Variants in AKAP11 observed in about 807,000 individuals in gnomAD.
The protein encoded by AKAP11 is A-kinase anchoring protein 11.
Under a neutral mutation model 146.1 loss-of-function variants are expected in AKAP11, and 36 were observed. The ratio of observed to expected loss-of-function variants is 0.25; its 90% CI spans 0.19 to 0.33. The LOEUF (loss-of-function observed/expected upper bound fraction) is 0.33, where lower values mean the gene tolerates loss of function less well. AKAP11 is among the 10% of genes least tolerant of loss of function. The pLI is 1.00. For missense variants in AKAP11, 2,201 were observed against 2,197.0 expected, an observed-to-expected ratio of 1.00 and a Z score of -0.04; for synonymous variants, 780 against 786.5, an observed-to-expected ratio of 0.99 and a Z score of 0.14.
At chr13:42,319,038 T>C in intron 12 of AKAP11, 50 bp from the exon 13 acceptor site, 1 of 1,552,444 alleles carries the variant, frequency 6.4e-7, no homozygotes. Flanking sequence ...AATAAAAGCT[T>C]TGTTATAAAA....
intron 1 of AKAP11, among the ~76,000 whole-genome samples, chr13:42,282,223 C>T (rs1420167515): frequency 6.6e-6 from 1 of 150,602 alleles, no homozygotes; most frequent in African/African-American, 2.4e-5. Flanking sequence ...CCTGCCTTGG[C>T]CTCCCAAAGT....
upstream of AKAP11, among the ~76,000 whole-genome samples, chr13:42,271,860 CCCGCGGGCTGCTCCGCGGGCTGCA>C (rs1410312623): frequency 6.6e-6 from 1 of 151,464 alleles, no homozygotes; most frequent in Non-Finnish European, 1.5e-5. Context: ...GCGGGGCTGC[CCCGCGGGCTGCTCCGCGGGCTGCA>C]CTGGAGCACG....
chr13:42,291,548 A>G (rs1959215625), intron 3 of AKAP11, among the ~76,000 whole-genome samples: 1 of 152,210 alleles, frequency 6.6e-6, no homozygotes, highest in South Asian at 2.1e-4. Flanking sequence ...TGCCCAGCCA[A>G]TAATTATAAT....
At chr13:42,271,889 A>T (rs1228827719), upstream of AKAP11, among the ~76,000 whole-genome samples, 1 of 150,714 alleles carries the variant, frequency 6.6e-6, no homozygotes, top group East Asian at 2.0e-4. Flanking sequence ...GCTGCACTGG[A>T]GCACGTGGGA....
intron 3 of AKAP11, among the ~76,000 whole-genome samples, chr13:42,291,335 C>T (rs536891315): frequency 2.1e-4 from 32 of 152,296 alleles, no homozygotes; most frequent in South Asian, 1.9e-3. Context: ...TAACTGCAAC[C>T]CCCACCTCCC....
In AKAP11 at chr13:42,299,970, C is replaced by T. The variant is rs761725738; in HGVS notation, c.1224C>T (p.Leu408=). The change falls in exon 8 of 13, where the codon CTC becomes CTT. Residue 408 remains leucine, a synonymous_variant. Transcript: ENST00000025301. ...PQKFKFDRPA[L]PANVRKPTPR... ...AATTCAAGTTTGATCGTCCAGCTCTCCCAGCTAATGTTAGAAAGCCAACTC... is the reference window on the plus strand; with the variant it reads ...AATTCAAGTTTGATCGTCCAGCTCTTCCAGCTAATGTTAGAAAGCCAACTC... 10 of 1,613,960 alleles carry T rather than the reference C, an allele frequency of 6.2e-6. No homozygotes were observed. In the East Asian group the frequency reaches 2.0e-4, roughly 32 times the overall value.
intron 4 of AKAP11, among the ~76,000 whole-genome samples, chr13:42,293,494 A>G (rs1472417746): frequency 6.6e-6 from 1 of 152,148 alleles, no homozygotes; most frequent in Non-Finnish European, 1.5e-5. Flanking sequence ...GTGTCAGCTT[A>G]ATTTCACTAT....
chr13:42,275,325 C>A (rs1340809453), intron 1 of AKAP11, among the ~76,000 whole-genome samples: 1 of 152,224 alleles, frequency 6.6e-6, no homozygotes, highest in Non-Finnish European at 1.5e-5. Flanking sequence ...GACTATGCAA[C>A]ATGGTTCTCA....
chr13:42,300,763 T>C lies in AKAP11; in HGVS notation c.2017T>C (p.Ser673Pro). ...CQFSYPQTPASPQCGSFDFED... is the reference protein window; with the variant it reads ...CQFSYPQTPAPPQCGSFDFED... Reference sequence around the variant, plus strand: ...GTTTTCATATCCTCAAACGCCTGCATCTCCACAGTGTGGGTCGTTTGACTT... The same window carrying C: ...GTTTTCATATCCTCAAACGCCTGCACCTCCACAGTGTGGGTCGTTTGACTT... The change falls in exon 8 of 13, where the codon TCT becomes CCT. Residue 673 changes from serine to proline, a missense_variant. Ser to Pro is a moderately conservative substitution (Grantham distance 74). Around this residue, in one of 3 missense-constraint regions of AKAP11, gnomAD observed 1,867 missense variants for 1,833.5 expected, o/e 1.02. Transcript: ENST00000025301. The C allele has an allele frequency of 6.2e-7, 1 of 1,614,096 alleles. No homozygotes were observed. Among genetic ancestry groups the C allele is most frequent in the Non-Finnish European group, 8.5e-7 (1 of 1,179,970 alleles).
At position 42,301,400 on chromosome 13, in the gene AKAP11, A is replaced by G. The variant is rs1959895234; in HGVS notation, c.2654A>G (p.Asn885Ser). ...GCAGCAGTGGTGCATACGATAGTAA[A>G]TGAAACTTTAGAGTCAATGACATCA... is the stretch of plus-strand genomic sequence containing the variant. ...FSAAVVHTIV[N>S]ETLESMTSLE... The change falls in exon 8 of 13, where the codon AAT (asparagine) becomes AGT (serine). Residue 885 changes from asparagine to serine, a missense_variant. Physicochemically the swap from Asn to Ser is conservative, Grantham distance 46. This residue lies in a region of AKAP11 where 1,867 missense variants were observed against 1,833.5 expected (regional missense o/e 1.02). Coordinates refer to ENST00000025301, the MANE Select transcript of AKAP11 (RefSeq NM_016248.4). 1 of 1,613,692 alleles carries G rather than the reference A, an allele frequency of 6.2e-7. No homozygotes were observed. The highest frequency in any genetic ancestry group is 8.5e-7 in the Non-Finnish European group (1 of 1,179,862).
At chr13:42,309,774 T>C (rs1045635414) in intron 9 of AKAP11, among the ~76,000 whole-genome samples, 1 of 152,204 alleles carries the variant, frequency 6.6e-6, no homozygotes, top group East Asian at 1.9e-4. Flanking sequence ...ATTTAGTTTC[T>C]TCTCTCATTT....
intron 4 of AKAP11, among the ~76,000 whole-genome samples, chr13:42,295,061 T>C (rs990799674): frequency 6.6e-6 from 1 of 152,170 alleles, no homozygotes; most frequent in Non-Finnish European, 1.5e-5. Context: ...AGGAAATAAA[T>C]GGTGGTATCA....
At chr13:42,286,851 T>G (rs904852623) in intron 3 of AKAP11, among the ~76,000 whole-genome samples, 2 of 152,222 alleles carry the variant, frequency 1.3e-5, no homozygotes, top group Non-Finnish European at 2.9e-5. Flanking sequence ...CTCACTTCCT[T>G]TCTTAAAACA....
At chr13:42,277,992 G>A (rs560260239) in intron 1 of AKAP11, among the ~76,000 whole-genome samples, 94 of 152,326 alleles carry the variant, frequency 6.2e-4, no homozygotes, top group African/African-American at 2.1e-3. Flanking sequence ...CCAAGGAAAT[G>A]TTTGGTAATA....
Position 42,303,342 on chromosome 13 carries a change from T to A in AKAP11, c.4596T>A (p.Cys1532Ter), listed in dbSNP as rs770870927. Residue 1532 changes from cysteine (C) to a stop codon, truncating the protein, a stop_gained, in exon 8 of 13, where the codon TGT (cysteine) becomes TGA (stop). Transcript: ENST00000025301. LOFTEE classifies it high-confidence loss of function. ...HSTGSLNGYGCGDNVVQAVEQ... is the reference protein window; with the variant it reads ...HSTGSLNGYG ...CTGGCAGTTTAAATGGATATGGTTGTGGAGACAATGTTGTTCAAGCTGTAG... is the reference window on the plus strand; with the variant it reads ...CTGGCAGTTTAAATGGATATGGTTGAGGAGACAATGTTGTTCAAGCTGTAG... 1 of 1,612,682 alleles carries A rather than the reference T, an allele frequency of 6.2e-7. No individual in the cohort carries two copies. Among genetic ancestry groups the A allele is most frequent in the Non-Finnish European group, 8.5e-7 (1 of 1,180,026 alleles).
chr13:42,280,193 G>A (rs1959030356), intron 1 of AKAP11, among the ~76,000 whole-genome samples: 1 of 152,146 alleles, frequency 6.6e-6, no homozygotes, highest in Admixed American at 6.5e-5. Context: ...GGAAGTAGCT[G>A]GCAGCCAGTG....
intron 8 of AKAP11, among the ~76,000 whole-genome samples, chr13:42,305,385 C>T (rs1284605853): frequency 1.3e-5 from 2 of 152,144 alleles, no homozygotes. Context: ...TTCTGGTGAA[C>T]TAGGAGAGGT....
At position 42,297,326 on chromosome 13, in the gene AKAP11, A is replaced by T. The variant is rs181440666; in HGVS notation, c.351+144A>T. 6.9e-6 allele frequency: 4 copies of T among 578,902 alleles called. No homozygotes were observed. The East Asian group carries it at 1.1e-4, about 17-fold the overall frequency. 35.9% of individuals were successfully genotyped at this position (578,902 alleles called of 1,614,324 possible). ...GGAAATATGATTCATAAGAAATATA[A>T]CTCATGAAGCATTGACATCCCTGAA... On this transcript the variant is annotated intron_variant, in intron 6 of 12. Transcript: ENST00000025301.
intron 1 of AKAP11, among the ~76,000 whole-genome samples, chr13:42,283,792 C>T (rs1264269199): frequency 2.0e-5 from 3 of 152,194 alleles, no homozygotes; most frequent in Non-Finnish European, 4.4e-5. Context: ...CCCTTTTAGG[C>T]AAGGTTAGGA....
Sources: gnomAD v4.1 joint callset for allele counts (sites outside exome capture counted in the v4.1 genomes callset) on GRCh38, gnomAD v4.1.1 for gene constraint, gnomAD v4.1.1 regional missense constraint, MANE v1.5 for transcripts, NCBI Gene and HGNC (gene_info 2026-07-23, HGNC 2026-07-21) for gene names.